SEMA5A: variants seen among roughly 807,000 people sequenced by gnomAD.
The protein encoded by SEMA5A is semaphorin-5A.
Under a neutral mutation model 135.5 loss-of-function variants are expected in SEMA5A, and 55 were observed. The observed-to-expected ratio is 0.41, with a 90% CI of 0.33 to 0.51. SEMA5A has a LOEUF of 0.51. SEMA5A is among the 20% of genes least tolerant of loss of function. SEMA5A has a pLI of 0.37. For synonymous variants in SEMA5A, 580 were observed against 546.5 expected (o/e 1.06, Z -0.85); for missense variants, 1,290 against 1,419.9 (o/e 0.91, Z 1.47).
chr5:9,207,855 A>T (rs1746117600), intron 8 of SEMA5A, among the ~76,000 whole-genome samples: 1 of 56,884 alleles, frequency 1.8e-5, no homozygotes, highest in Admixed American at 2.1e-4. Flanking sequence ...AGATGATGAT[A>T]GATAGATAGA....
chr5:9,207,896 G>C (rs199523117), intron 8 of SEMA5A, among the ~76,000 whole-genome samples: 14 of 25,290 alleles, frequency 5.5e-4, no homozygotes, highest in Non-Finnish European at 1.1e-3. Context: ...TAGATAGATA[G>C]ATACATAGAT....
intron 16 of SEMA5A, among the ~76,000 whole-genome samples, chr5:9,068,587 A>G (rs1737600607): frequency 6.6e-6 from 1 of 152,188 alleles, no homozygotes; most frequent in Non-Finnish European, 1.5e-5. Context: ...TAAGCTTCCT[A>G]TCATCTGCTG....
intron 4 of SEMA5A, among the ~76,000 whole-genome samples, chr5:9,323,657 CTTTTTTTTTT>C (rs35243676): frequency 9.2e-6 from 1 of 108,948 alleles, no homozygotes; most frequent in African/African-American, 3.6e-5. Flanking sequence ...TCTTTTTTTC[CTTTTTTTTTT>C]TTTTTTTTTT....
intron 3 of SEMA5A, among the ~76,000 whole-genome samples, chr5:9,359,457 C>A (rs1754596128): frequency 6.6e-6 from 1 of 152,074 alleles, no homozygotes; most frequent in South Asian, 2.1e-4. Context: ...CAGTAGATTC[C>A]CTTTATAACA....
At chr5:9,256,048 A>C (rs1250285682) in intron 5 of SEMA5A, among the ~76,000 whole-genome samples, 3 of 152,090 alleles carry the variant, frequency 2.0e-5, no homozygotes, top group Admixed American at 2.0e-4. Flanking sequence ...TAACAAACAA[A>C]ACTTTCCAAA....
chr5:9,413,716 G>A (rs1757184290), intron 2 of SEMA5A, among the ~76,000 whole-genome samples: 1 of 152,152 alleles, frequency 6.6e-6, no homozygotes, highest in Admixed American at 6.6e-5. Context: ...TTACAGGATA[G>A]GGAAGACAAG....
At chr5:9,412,660 C>A (rs1757145738) in intron 2 of SEMA5A, among the ~76,000 whole-genome samples, 1 of 150,268 alleles carries the variant, frequency 6.7e-6, no homozygotes, top group Admixed American at 6.7e-5. Context: ...GGGATAGAAC[C>A]CAAGTCTAAT....
At chr5:9,221,694 ATTG>A (rs1747008117) in intron 8 of SEMA5A, among the ~76,000 whole-genome samples, 1 of 152,180 alleles carries the variant, frequency 6.6e-6, no homozygotes, top group Non-Finnish European at 1.5e-5. Flanking sequence ...AGGCAGAAAT[ATTG>A]TCCAAAAAAC....
intron 18 of SEMA5A, among the ~76,000 whole-genome samples, chr5:9,054,682 A>G (rs1736791823): frequency 6.6e-6 from 1 of 152,188 alleles, no homozygotes; most frequent in Non-Finnish European, 1.5e-5. Flanking sequence ...CTAACTAGCC[A>G]GACAAGACTT....
At chr5:9,423,793 T>C in intron 2 of SEMA5A, among the ~76,000 whole-genome samples, 1 of 152,208 alleles carries the variant, frequency 6.6e-6, no homozygotes, top group Non-Finnish European at 1.5e-5. Flanking sequence ...TGCTGCATTT[T>C]ATTAACAGCA....
At chr5:9,453,573 T>C (rs1334293469) in intron 1 of SEMA5A, among the ~76,000 whole-genome samples, 1 of 152,222 alleles carries the variant, frequency 6.6e-6, no homozygotes, top group African/African-American at 2.4e-5. Context: ...CTATTGACCA[T>C]GAGTTCAATG....
chr5:9,463,978 A>T (rs958344656), intron 1 of SEMA5A, among the ~76,000 whole-genome samples: 6 of 152,164 alleles, frequency 3.9e-5, no homozygotes, highest in Admixed American at 2.0e-4. Context: ...CAAATCTGTG[A>T]TGCTGTATTC....
At chr5:9,357,540 C>T (rs1754506716) in intron 3 of SEMA5A, among the ~76,000 whole-genome samples, 1 of 152,208 alleles carries the variant, frequency 6.6e-6, no homozygotes, top group South Asian at 2.1e-4. Flanking sequence ...CAAACATAAA[C>T]ATTACTCCAT....
In SEMA5A at chr5:9,525,697, G is replaced by C. The variant is rs563245041; in HGVS notation, c.-175+19887C>G. Among the ~76,000 whole-genome samples, 18 of 152,296 alleles carry C rather than the reference G, an allele frequency of 1.2e-4. No homozygotes were observed. The South Asian group carries it at 1.9e-3, about 16-fold the overall frequency. On this transcript the variant is annotated intron_variant, in intron 1 of 22. Transcript: ENST00000382496. Reference sequence around the variant, plus strand: ...CCATTTGGTTCCAGGTCCTGTCCCTGCTAAAATCCTCACATGAAGTAGAAC... The same window carrying C: ...CCATTTGGTTCCAGGTCCTGTCCCTCCTAAAATCCTCACATGAAGTAGAAC...
At chr5:9,499,662 T>C (rs1478352869) in intron 1 of SEMA5A, among the ~76,000 whole-genome samples, 3 of 152,242 alleles carry the variant, frequency 2.0e-5, no homozygotes, top group Admixed American at 6.5e-5. Flanking sequence ...TTCAGTTCTT[T>C]AGTATTTTAC....
At chr5:9,129,753 T>C (rs1300533630) in intron 13 of SEMA5A, among the ~76,000 whole-genome samples, 1 of 152,192 alleles carries the variant, frequency 6.6e-6, no homozygotes, top group Non-Finnish European at 1.5e-5. Flanking sequence ...ATATACCATG[T>C]AGTGGTAGTT....
At chr5:9,189,047 T>G (rs900629948) in intron 11 of SEMA5A, among the ~76,000 whole-genome samples, 1 of 152,246 alleles carries the variant, frequency 6.6e-6, no homozygotes, top group Non-Finnish European at 1.5e-5. Flanking sequence ...TCAGTGGCAC[T>G]GCCTGCCACT....
intron 1 of SEMA5A, among the ~76,000 whole-genome samples, chr5:9,469,596 GCCAGGATA>G (rs1399687146): frequency 6.6e-6 from 1 of 152,308 alleles, no homozygotes; most frequent in African/African-American, 2.4e-5. Context: ...TAGGTTTGGA[GCCAGGATA>G]CCGGCCCTAG....
chr5:9,107,157 T>C, intron 16 of SEMA5A, among the ~76,000 whole-genome samples: 1 of 152,188 alleles, frequency 6.6e-6, no homozygotes, highest in East Asian at 1.9e-4. Flanking sequence ...CCAGACCTTC[T>C]CGTGCTGAGC....
Sources: gnomAD v4.1 joint callset for allele counts (sites outside exome capture counted in the v4.1 genomes callset) on GRCh38, gnomAD v4.1.1 for gene constraint, MANE v1.5 for transcripts, NCBI Gene and HGNC (gene_info 2026-07-23, HGNC 2026-07-21) for gene names.